ZNF723: variants seen among roughly 807,000 people sequenced by gnomAD.
ZNF723 encodes the protein zinc finger protein 723, pseudogene.
In ZNF723, 5 loss-of-function variants were observed where a neutral mutation model predicts 9.4. That is an observed-to-expected ratio of 0.53 (90% CI 0.28 to 1.12). The LOEUF (loss-of-function observed/expected upper bound fraction) is 1.12. Among genes scored for constraint, ZNF723 ranks in the 50% most tolerant of loss-of-function variants. The pLI, the probability that ZNF723 is intolerant of heterozygous loss-of-function variation, is 0.10. For missense variants in ZNF723, 450 were observed against 501.5 expected, an observed-to-expected ratio of 0.90 and a Z score of 0.98; for synonymous variants, 158 against 168.8, an observed-to-expected ratio of 0.94 and a Z score of 0.49.
At chr19:22,840,764 A>G (rs946334299) in intron 1 of ZNF723, 4 of 152,040 alleles carry the variant, frequency 2.6e-5, no homozygotes, top group African/African-American at 9.7e-5. Context: ...GAGAACTTAG[A>G]CCTATCTCTA....
chr19:22,818,159 G>A, the ZNF723 span, among the ~76,000 whole-genome samples: 1 of 152,126 alleles, frequency 6.6e-6, no homozygotes, highest in African/African-American at 2.4e-5. Flanking sequence ...CACAGGTACA[G>A]TCATTGGTCC....
chr19:22,833,023 G>T (rs1488881705), intron 1 of ZNF723, among the ~76,000 whole-genome samples: 1 of 151,928 alleles, frequency 6.6e-6, no homozygotes, highest in African/African-American at 2.4e-5. Flanking sequence ...GGTTAAGACT[G>T]AATTTCGTTT....
the ZNF723 span, among the ~76,000 whole-genome samples, chr19:22,823,727 G>T: frequency 6.6e-6 from 1 of 152,172 alleles, no homozygotes; most frequent in Admixed American, 6.5e-5. Flanking sequence ...AAGCACCAAG[G>T]TAATATGACT....
intron 1 of ZNF723, among the ~76,000 whole-genome samples, chr19:22,833,568 CA>C (rs1967125322): frequency 6.6e-6 from 1 of 152,086 alleles, no homozygotes; most frequent in Non-Finnish European, 1.5e-5. Flanking sequence ...CTCCTTCTGA[CA>C]ATTCCAAACG....
intron 1 of ZNF723, among the ~76,000 whole-genome samples, chr19:22,842,634 A>C (rs1967262791): frequency 6.6e-6 from 1 of 152,278 alleles, no homozygotes. Flanking sequence ...ACTTACATTC[A>C]TGTTGCCTTA....
chr19:22,852,201 A>G (rs896714430), intron 3 of ZNF723, among the ~76,000 whole-genome samples: 25 of 152,150 alleles, frequency 1.6e-4, no homozygotes, highest in Non-Finnish European at 2.9e-4. Context: ...TTTCATAAAT[A>G]TATTGATCTA....
At chr19:22,833,834 G>T (rs899403805) in intron 1 of ZNF723, among the ~76,000 whole-genome samples, 1 of 150,284 alleles carries the variant, frequency 6.7e-6, no homozygotes, top group Admixed American at 6.6e-5. Context: ...TTGAACTCCT[G>T]ACCTCAGGTG....
At chr19:22,818,315 T>A in the ZNF723 span, among the ~76,000 whole-genome samples, 7 of 152,104 alleles carry the variant, frequency 4.6e-5, no homozygotes, top group Non-Finnish European at 1.5e-5. Flanking sequence ...CACTAAAAAT[T>A]GTCATCCTTC....
At chr19:22,839,549 C>G (rs757796150) in intron 1 of ZNF723, among the ~76,000 whole-genome samples, 1 of 149,518 alleles carries the variant, frequency 6.7e-6, no homozygotes, top group Non-Finnish European at 1.5e-5. Flanking sequence ...TGATTGCAGT[C>G]TCCACCTCCT....
At chr19:22,840,226 C>T (rs1266388726) in intron 1 of ZNF723, among the ~76,000 whole-genome samples, 1 of 151,776 alleles carries the variant, frequency 6.6e-6, no homozygotes, top group African/African-American at 2.4e-5. Context: ...GGCTGGAGTG[C>T]AATGGCATGA....
intron 1 of ZNF723, among the ~76,000 whole-genome samples, chr19:22,835,049 A>AT (rs1261456136): frequency 6.5e-5 from 8 of 123,418 alleles, no homozygotes; most frequent in East Asian, 5.1e-4. Context: ...TGTGTGTGTG[A>AT]TTTTTTTTGT....
At chr19:22,855,692 T>C (rs954720824) in intron 3 of ZNF723, among the ~76,000 whole-genome samples, 13 of 152,170 alleles carry the variant, frequency 8.5e-5, no homozygotes, top group Non-Finnish European at 1.8e-4. Context: ...TATTCTCACT[T>C]GATAGGTATT....
the ZNF723 span, among the ~76,000 whole-genome samples, chr19:22,816,603 A>G: frequency 6.6e-6 from 1 of 152,238 alleles, no homozygotes; most frequent in South Asian, 2.1e-4. Context: ...ACCTCAGCCT[A>G]GCACTTGAGC....
intron 1 of ZNF723, among the ~76,000 whole-genome samples, chr19:22,838,416 G>A (rs577165967): frequency 6.6e-6 from 1 of 152,168 alleles, no homozygotes; most frequent in South Asian, 2.1e-4. Flanking sequence ...GCCGGGCGTG[G>A]TGGCACACGC....
Position 22,857,144 on chromosome 19 carries a change from C to T in ZNF723, c.253C>T (p.Leu85Phe). Residue 85 changes from leucine to phenylalanine, a missense_variant, in exon 4 of 4, where the codon CTT (leucine) becomes TTT (phenylalanine). This residue lies in a region of ZNF723 where 143 missense variants were observed against 101.3 expected (regional missense o/e 1.41). Coordinates refer to ENST00000600766, the MANE Select transcript of ZNF723 (RefSeq NM_001349726.2). ...TGTGTGTTCTCATTTTGCCCAAGACCTTTGGCCAGAGCAGGGCATAAAAGA... is the reference window on the plus strand; with the variant it reads ...TGTGTGTTCTCATTTTGCCCAAGACTTTTGGCCAGAGCAGGGCATAAAAGA... Reference protein sequence around the residue: ...PVVCSHFAQDLWPEQGIKDSF... With the variant: ...PVVCSHFAQDFWPEQGIKDSF... The T allele has an allele frequency of 1.0e-6, 1 of 997,216 alleles. No homozygotes were observed. Among genetic ancestry groups the T allele is most frequent in the Non-Finnish European group, 1.5e-6 (1 of 673,336 alleles). The allele number at this position is 997,216 out of a possible 1,614,324, so 61.8% of individuals were successfully genotyped here.
chr19:22,844,299 CAATA>C (rs987401708), intron 1 of ZNF723, among the ~76,000 whole-genome samples: 1 of 152,080 alleles, frequency 6.6e-6, no homozygotes, highest in Non-Finnish European at 1.5e-5. Flanking sequence ...AATATAAACA[CAATA>C]AAAGTTTCTC....
rs571076004 is a variant in ZNF723 at position 22,847,350 on chromosome 19, A to G, written c.4-911A>G. Among the ~76,000 whole-genome samples the G allele has an allele frequency of 1.4e-4, 21 of 152,058 alleles. No individual in the cohort carries two copies. The South Asian group carries it at 4.1e-3, about 30-fold the overall frequency. On this transcript the variant is annotated intron_variant, in intron 1 of 3. Transcript: ENST00000600766. ...GCTCTTTCTTAGAGTTTCTTTGCAT[A>G]TATCTGTCCTTGGAAAATGAAGAGT...
At chr19:22,822,138 A>C in the ZNF723 span, among the ~76,000 whole-genome samples, 6 of 152,184 alleles carry the variant, frequency 3.9e-5, no homozygotes, top group South Asian at 2.1e-4. Flanking sequence ...CTTTAGAAAT[A>C]CTTTGTGTGC....
the ZNF723 span, among the ~76,000 whole-genome samples, chr19:22,818,832 T>TGAGA: frequency 6.6e-6 from 1 of 152,182 alleles, no homozygotes; most frequent in African/African-American, 2.4e-5. Flanking sequence ...ACCCAGGTTA[T>TGAGA]GAGACTCTTC....
Sources: allele counts gnomAD v4.1 joint callset (sites outside exome capture counted in the v4.1 genomes callset), GRCh38; gene constraint gnomAD v4.1.1; regional missense constraint gnomAD v4.1.1; transcripts MANE v1.5; gene names NCBI Gene and HGNC (gene_info 2026-07-23, HGNC 2026-07-21).